ASCC3: variants seen among roughly 807,000 people sequenced by gnomAD.
ASCC3 encodes activating signal cointegrator 1 complex subunit 3.
Under a neutral mutation model 256.3 loss-of-function variants are expected in ASCC3, and 158 were observed. That is an observed-to-expected ratio of 0.62 (90% CI 0.54 to 0.70). The LOEUF (loss-of-function observed/expected upper bound fraction) is 0.70. Ranked by LOEUF, ASCC3 falls within the 30% of genes least tolerant of loss-of-function variation. The pLI, the probability that ASCC3 is intolerant of heterozygous loss-of-function variation, is 0.00. For missense variants in ASCC3, 2,259 were observed against 2,626.0 expected (o/e 0.86, Z 3.05); for synonymous variants, 948 against 883.4 (o/e 1.07, Z -1.30).
At chr6:100,587,479 C>T (rs953885210) in intron 36 of ASCC3, among the ~76,000 whole-genome samples, 5 of 152,154 alleles carry the variant, frequency 3.3e-5, no homozygotes, top group East Asian at 1.9e-4. Context: ...GTGATACCTA[C>T]GTATCTCCTT....
At chr6:100,610,554 A>T (rs979891799) in intron 30 of ASCC3, among the ~76,000 whole-genome samples, 1 of 152,146 alleles carries the variant, frequency 6.6e-6, no homozygotes, top group South Asian at 2.1e-4. Flanking sequence ...TGTACAAACT[A>T]GGTGATATTT....
At chr6:100,710,547 G>C (rs1778810876) in intron 13 of ASCC3, among the ~76,000 whole-genome samples, 1 of 152,090 alleles carries the variant, frequency 6.6e-6, no homozygotes, top group Non-Finnish European at 1.5e-5. Flanking sequence ...AAAAATAAAA[G>C]AGCTGGCAGT....
intron 13 of ASCC3, among the ~76,000 whole-genome samples, chr6:100,698,675 A>C (rs1292374280): frequency 1.3e-5 from 2 of 152,162 alleles, no homozygotes; most frequent in African/African-American, 4.8e-5. Flanking sequence ...AATTTACATA[A>C]AAAATGTTTT....
At chr6:100,716,635 A>G (rs755459776) in intron 12 of ASCC3, among the ~76,000 whole-genome samples, 10 of 151,980 alleles carry the variant, frequency 6.6e-5, no homozygotes, top group Non-Finnish European at 1.3e-4. Flanking sequence ...AAAACTCCCA[A>G]TAACTTTTTC....
At chr6:100,535,313 G>A (rs1266735317) in intron 37 of ASCC3, among the ~76,000 whole-genome samples, 1 of 152,014 alleles carries the variant, frequency 6.6e-6, no homozygotes, top group Non-Finnish European at 1.5e-5. Context: ...AAAACAACAG[G>A]GCACAGAATT....
intron 13 of ASCC3, among the ~76,000 whole-genome samples, chr6:100,701,919 G>A (rs370111720): frequency 1.3e-4 from 20 of 152,160 alleles, no homozygotes; most frequent in African/African-American, 4.8e-4. Context: ...AGGGATGAAA[G>A]AAGGCGTGGG....
At chr6:100,837,709 G>C (rs1771943269) in intron 4 of ASCC3, among the ~76,000 whole-genome samples, 1 of 152,062 alleles carries the variant, frequency 6.6e-6, no homozygotes. Flanking sequence ...GAGTACAATA[G>C]TGATTACCAG....
At chr6:100,746,248 T>C (rs959024105) in intron 10 of ASCC3, among the ~76,000 whole-genome samples, 2 of 151,500 alleles carry the variant, frequency 1.3e-5, no homozygotes, top group Non-Finnish European at 2.9e-5. Context: ...ATCTACTCCA[T>C]AGACTATTTT....
Position 100,778,561 on chromosome 6 carries a change from A to C in ASCC3, c.1396-11216T>G, listed in dbSNP as rs184230219. Among the ~76,000 whole-genome samples, 214 of 152,238 alleles carry C rather than the reference A, an allele frequency of 1.4e-3. 1 individual carries two copies. Among genetic ancestry groups the C allele is most frequent in the East Asian group, 3.9e-4 (2 of 5,188 alleles). ...GGTTTATCAACTGTATTTGTGGTCA[A>C]TGGAATTTTGTAATATACTACTTAC... On this transcript the variant is annotated intron_variant, in intron 8 of 41. Transcript: ENST00000369162.
chr6:100,833,799 A>C (rs1275132879), intron 4 of ASCC3, among the ~76,000 whole-genome samples: 2 of 152,156 alleles, frequency 1.3e-5, no homozygotes, highest in Non-Finnish European at 2.9e-5. Context: ...TTAAAGGCTG[A>C]AATCCTGGCG....
chr6:100,601,935 A>G lies in ASCC3; in HGVS notation c.5178T>C (p.Ser1726=). The part of the protein sequence containing the change: ...FLYEPFPVES[S]LLGVLSDHLN... Reference sequence around the variant, plus strand: ...AGTGGTCAGAGAGCACTCCTAATAAACTATATAGTGAACAAGACATGGGAA... The same window carrying G: ...AGTGGTCAGAGAGCACTCCTAATAAGCTATATAGTGAACAAGACATGGGAA... Residue 1726 remains serine (S), a splice_region_variant and synonymous_variant, in exon 34 of 42, where the codon AGT becomes AGC. Coordinates refer to ENST00000369162, the MANE Select transcript of ASCC3 (RefSeq NM_006828.4). The G allele has an allele frequency of 6.2e-7, 1 of 1,612,002 alleles. No homozygotes were observed. The highest frequency in any genetic ancestry group is 1.1e-5 in the South Asian group (1 of 91,024).
At chr6:100,628,613 T>C (rs1294073447) in intron 27 of ASCC3, among the ~76,000 whole-genome samples, 1 of 152,118 alleles carries the variant, frequency 6.6e-6, no homozygotes, top group Non-Finnish European at 1.5e-5. Flanking sequence ...GCTCTTGCCA[T>C]GTAAGAAGCT....
intron 30 of ASCC3, among the ~76,000 whole-genome samples, chr6:100,623,774 G>A (rs780608391): frequency 6.6e-6 from 1 of 152,072 alleles, no homozygotes; most frequent in African/African-American, 2.4e-5. Context: ...CTATAGAGAG[G>A]AGGAGGAATA....
chr6:100,861,953 T>C (rs574588506), intron 3 of ASCC3, among the ~76,000 whole-genome samples: 2 of 152,296 alleles, frequency 1.3e-5, no homozygotes, highest in African/African-American at 2.4e-5. Flanking sequence ...AGTCATGGTA[T>C]TGAATAAGCT....
Position 100,631,222 on chromosome 6 carries a change from G to T in ASCC3, c.4123-9C>A. 3 of 1,598,166 alleles carry T rather than the reference G, an allele frequency of 1.9e-6. No individual in the cohort carries two copies. The highest frequency in any genetic ancestry group is 1.7e-6 in the Non-Finnish European group (2 of 1,166,378). On this transcript the variant is annotated splice_polypyrimidine_tract_variant and intron_variant, in intron 25 of 41. Coordinates refer to ENST00000369162, the MANE Select transcript of ASCC3 (RefSeq NM_006828.4). ...GGTGCAATATATACCGCCTAAAAAGGGGAGAATAGCCAAAAATACTCTTAT... is the reference window on the plus strand; with the variant it reads ...GGTGCAATATATACCGCCTAAAAAGTGGAGAATAGCCAAAAATACTCTTAT...
At chr6:100,826,813 T>C (rs17672112) in intron 4 of ASCC3, among the ~76,000 whole-genome samples, 18,427 of 152,254 alleles carry the variant, frequency 0.12, 1,520 homozygotes, top group Non-Finnish European at 0.18. Context: ...CAACTACTAA[T>C]TCCATCTAAA....
intron 33 of ASCC3, among the ~76,000 whole-genome samples, chr6:100,602,945 G>A (rs925786178): frequency 1.3e-5 from 2 of 152,024 alleles, no homozygotes; most frequent in African/African-American, 4.8e-5. Context: ...AAGTTGCTAT[G>A]TTACTCTCAG....
Position 100,661,687 on chromosome 6 carries a change from T to C in ASCC3, c.2703+119A>G, listed in dbSNP as rs1193495510. The C allele has an allele frequency of 4.1e-6, 4 of 978,278 alleles. No individual in the cohort carries two copies. The East Asian group carries it at 9.9e-5, about 24-fold the overall frequency. 60.6% of individuals were successfully genotyped at this position (978,278 alleles called of 1,614,324 possible). ...ATTCACCCTGTTTTGTCTTATAACTTATATGGCATAGGCTGTAATCCTAAA... is the reference window on the plus strand; with the variant it reads ...ATTCACCCTGTTTTGTCTTATAACTCATATGGCATAGGCTGTAATCCTAAA... On this transcript the variant is annotated intron_variant, in intron 16 of 41. Coordinates refer to ENST00000369162, the MANE Select transcript of ASCC3 (RefSeq NM_006828.4).
chr6:100,786,889 A>T (rs564293527), intron 8 of ASCC3, among the ~76,000 whole-genome samples: 54 of 152,204 alleles, frequency 3.5e-4, no homozygotes, highest in Non-Finnish European at 7.5e-4. Flanking sequence ...ATGGGTCAAA[A>T]TGGGGCTAGA....
Sources: gnomAD v4.1 joint callset for allele counts (sites outside exome capture counted in the v4.1 genomes callset) on GRCh38, gnomAD v4.1.1 for gene constraint, MANE v1.5 for transcripts, NCBI Gene and HGNC (gene_info 2026-07-23, HGNC 2026-07-21) for gene names.